The following MACC1 variants were observed in gnomAD, a reference collection of about 807,000 sequenced individuals.
The protein encoded by MACC1 is metastasis-associated in colon cancer protein 1.
Under a neutral mutation model 70.7 loss-of-function variants are expected in MACC1, and 79 were observed. That is an observed-to-expected ratio of 1.12 (90% CI 0.93 to 1.35). MACC1 has a LOEUF of 1.35. Ranked by LOEUF, MACC1 falls within the 40% of genes most tolerant of loss-of-function variation. The pLI is 0.00. For missense variants in MACC1, 1,106 were observed against 978.1 expected (o/e 1.13, Z -1.74); for synonymous variants, 361 against 347.2 (o/e 1.04, Z -0.44).
At chr7:20,146,080 G>C (rs1215485362) in intron 6 of MACC1, among the ~76,000 whole-genome samples, 2 of 150,446 alleles carry the variant, frequency 1.3e-5, no homozygotes, top group Non-Finnish European at 2.9e-5. Context: ...AGAATCGCTT[G>C]AACCCAGGTG....
chr7:20,206,062 T>C (rs1165782820), intron 1 of MACC1, among the ~76,000 whole-genome samples: 1 of 151,822 alleles, frequency 6.6e-6, no homozygotes, highest in Non-Finnish European at 1.5e-5. Context: ...AACTCCATCG[T>C]CTTTCTCACA....
Position 20,158,706 on chromosome 7 carries a change from T to C in MACC1, c.1655A>G (p.Asn552Ser), listed in dbSNP as rs1232024399. ...CACTGCCTTCAGGGTTACCCCATAG[T>C]TGCTAAAGTTCAATGTTTTATCTTG... ...TFQDKTLNFS[N>S]YGVTLKAVLR... Residue 552 changes from asparagine to serine, a missense_variant, in exon 5 of 7, where the codon AAC becomes AGC. Transcript: ENST00000400331. 9 of 1,613,790 alleles carry C rather than the reference T, an allele frequency of 5.6e-6. No individual in the cohort carries two copies. Among genetic ancestry groups the C allele is most frequent in the Admixed American group, 3.3e-5 (2 of 59,988 alleles).
chr7:20,186,010 C>T (rs372060018), intron 1 of MACC1, among the ~76,000 whole-genome samples: 19 of 151,342 alleles, frequency 1.3e-4, no homozygotes, highest in South Asian at 8.4e-4. Context: ...TCGCATATGG[C>T]GAATGTCCTT....
At chr7:20,199,056 G>A (rs1317851251) in intron 1 of MACC1, among the ~76,000 whole-genome samples, 1 of 152,196 alleles carries the variant, frequency 6.6e-6, no homozygotes, top group Non-Finnish European at 1.5e-5. Flanking sequence ...TAAGGAGAAT[G>A]GCAATAATAG....
chr7:20,169,580 T>C (rs1461727789), intron 2 of MACC1, among the ~76,000 whole-genome samples: 1 of 152,190 alleles, frequency 6.6e-6, no homozygotes, highest in East Asian at 1.9e-4. Context: ...CACTTGACAG[T>C]ATATCAGGAG....
chr7:20,168,746 A>C (rs140212735), intron 2 of MACC1, among the ~76,000 whole-genome samples: 242 of 152,294 alleles, frequency 1.6e-3, no homozygotes, highest in African/African-American at 5.6e-3. Context: ...GTCAGGTTAC[A>C]ATCCCAAAAG....
Position 20,140,854 on chromosome 7 carries a change from GACAC to G in MACC1, c.*88_*91del, listed in dbSNP as rs1202005090. 1.5e-5 allele frequency: 12 copies of G among 820,386 alleles called. No homozygotes were observed. The East Asian group carries it at 2.7e-4, about 18-fold the overall frequency. The allele number at this position is 820,386 out of a possible 1,614,324, so 50.8% of individuals were successfully genotyped here. A position where few individuals can be genotyped will look rare whatever the true frequency, so the allele number is the denominator to read the frequency against. Reference sequence around the variant, plus strand: ...ACACACACACAGACACACACACACAGACACACAGAGACACACACAGACACACACA... The same window carrying G: ...ACACACACACAGACACACACACACAGACAGAGACACACACAGACACACACA... On this transcript the variant is annotated 3_prime_UTR_variant, in exon 7 of 7. Coordinates refer to ENST00000400331, the MANE Select transcript of MACC1 (RefSeq NM_182762.4).
At chr7:20,143,209 T>C (rs1781832794) in intron 6 of MACC1, among the ~76,000 whole-genome samples, 1 of 152,160 alleles carries the variant, frequency 6.6e-6, no homozygotes, top group South Asian at 2.1e-4. Flanking sequence ...GAGGAGCCCT[T>C]AGGCACACTC....
Position 20,140,840 on chromosome 7 carries a change from GACAC to G in MACC1, c.*102_*105del, listed in dbSNP as rs374483273. 9.3e-5 allele frequency: 64 copies of G among 691,056 alleles called. No individual in the cohort carries two copies. In the East Asian group the frequency reaches 1.1e-3, roughly 12 times the overall value. 42.8% of individuals were successfully genotyped at this position (691,056 alleles called of 1,614,324 possible). On this transcript the variant is annotated 3_prime_UTR_variant, in exon 7 of 7. Coordinates refer to ENST00000400331, the MANE Select transcript of MACC1 (RefSeq NM_182762.4). ...ACACACACACAGACACACACACACA[GACAC>G]ACACACACAGACACACAGAGACACA...
intron 1 of MACC1, among the ~76,000 whole-genome samples, chr7:20,180,969 T>C (rs953144500): frequency 6.6e-6 from 1 of 152,106 alleles, no homozygotes; most frequent in African/African-American, 2.4e-5. Context: ...CACAGAAGAA[T>C]ATAACTACAG....
At chr7:20,164,821 T>C (rs962324765) in intron 2 of MACC1, among the ~76,000 whole-genome samples, 5 of 151,954 alleles carry the variant, frequency 3.3e-5, no homozygotes, top group Non-Finnish European at 7.4e-5. Flanking sequence ...GGAACAAATG[T>C]CTAAATGGAA....
At chr7:20,207,332 A>C (rs2128109035) in intron 1 of MACC1, among the ~76,000 whole-genome samples, 1 of 146,562 alleles carries the variant, frequency 6.8e-6, no homozygotes, top group African/African-American at 2.5e-5. Flanking sequence ...TTTTTTTTTT[A>C]GTAGAGACGG....
chr7:20,143,680 C>G (rs976936049), intron 6 of MACC1, among the ~76,000 whole-genome samples: 2 of 152,194 alleles, frequency 1.3e-5, no homozygotes, highest in East Asian at 1.9e-4. Flanking sequence ...TGAGCCACCA[C>G]GCCCAGCCCT....
chr7:20,169,209 G>T (rs1015509820), intron 2 of MACC1, among the ~76,000 whole-genome samples: 2 of 152,104 alleles, frequency 1.3e-5, no homozygotes, highest in Non-Finnish European at 2.9e-5. Flanking sequence ...ATGTCTCTCA[G>T]GTTTAACTTT....
At chr7:20,156,021 C>A (rs1342826418) in intron 5 of MACC1, among the ~76,000 whole-genome samples, 1 of 152,104 alleles carries the variant, frequency 6.6e-6, no homozygotes, top group Non-Finnish European at 1.5e-5. Flanking sequence ...GTCTAAACTT[C>A]CATAATCATT....
rs1057223517 is a variant in MACC1 at position 20,139,892 on chromosome 7, A to G, written c.*1054T>C. 6.6e-5 allele frequency: 10 copies of G among 152,132 alleles called. No homozygotes were observed. Among genetic ancestry groups the G allele is most frequent in the African/African-American group, 2.4e-4 (10 of 41,412 alleles). 9.4% of individuals were successfully genotyped at this position (152,132 alleles called of 1,614,324 possible). On this transcript the variant is annotated 3_prime_UTR_variant, in exon 7 of 7. Transcript: ENST00000400331. ...TTTGCATGAGCATGCCAACATAAAG[A>G]TATCAGTGTTTTCGGTGGTTAAGAC...
chr7:20,138,902 G>A lies in MACC1; in HGVS notation c.*2044C>T, dbSNP rs539055109. The A allele has an allele frequency of 1.1e-4, 17 of 152,340 alleles. No individual in the cohort carries two copies. The highest frequency in any genetic ancestry group is 4.1e-4 in the African/African-American group (17 of 41,548). 9.4% of individuals were successfully genotyped at this position (152,340 alleles called of 1,614,324 possible). ...TTAGCCAGGATGGTCTCGATCTCCT[G>A]ACCTAGTGATCTGCCCGCCTCGGCC... On this transcript the variant is annotated 3_prime_UTR_variant, in exon 7 of 7. Transcript: ENST00000400331.
chr7:20,196,688 T>C lies in MACC1; in HGVS notation c.-218+20611A>G, dbSNP rs141247109. ...TCATTAATTGTCATAGAAAAACATC[T>C]TTAGAATTAAAAAGAGCTTAGCGAT... is the stretch of plus-strand genomic sequence containing the variant. On this transcript the variant is annotated intron_variant, in intron 1 of 6. Transcript: ENST00000400331. Among the ~76,000 whole-genome samples, 1,086 of 152,228 alleles carry C rather than the reference T, an allele frequency of 7.1e-3. 26 individuals carry two copies. Among genetic ancestry groups the C allele is most frequent in the Admixed American group, 0.038 (575 of 15,300 alleles).
Position 20,159,748 on chromosome 7 carries a change from C to G in MACC1, c.613G>C (p.Ala205Pro). Reference sequence around the variant, plus strand: ...GTGACCTCCGCAAGTTGTGTCTGGGCCCATCCAGGGCTCTGACTAATTGTA... The same window carrying G: ...GTGACCTCCGCAAGTTGTGTCTGGGGCCATCCAGGGCTCTGACTAATTGTA... ...LNTISQSPGW[A>P]QTQLAEVTIA... is the part of the protein sequence containing the mutation. The change falls in exon 5 of 7, where the codon GCC becomes CCC. Residue 205 changes from alanine to proline, a missense_variant. Transcript: ENST00000400331. The G allele has an allele frequency of 1.2e-6, 2 of 1,614,104 alleles. No individual in the cohort carries two copies. Among genetic ancestry groups the G allele is most frequent in the Middle Eastern group, 1.7e-4 (1 of 6,060 alleles).
Sources: gnomAD v4.1 joint callset for allele counts (sites outside exome capture counted in the v4.1 genomes callset) on GRCh38, gnomAD v4.1.1 for gene constraint, MANE v1.5 for transcripts, NCBI Gene and HGNC (gene_info 2026-07-23, HGNC 2026-07-21) for gene names.